The following OCLN variants were observed in gnomAD, a reference collection of about 807,000 sequenced individuals.
OCLN encodes the protein occludin.
In OCLN, 21 loss-of-function variants were observed where a neutral mutation model predicts 47.9. The observed-to-expected ratio is 0.44, with a 90% CI of 0.31 to 0.63. The LOEUF (loss-of-function observed/expected upper bound fraction) is 0.63. Ranked by LOEUF, OCLN falls within the 30% of genes least tolerant of loss-of-function variation. The pLI, the probability that OCLN is intolerant of heterozygous loss-of-function variation, is 0.08. For missense variants in OCLN, 360 were observed against 571.0 expected, an observed-to-expected ratio of 0.63 and a Z score of 3.77; for synonymous variants, 117 against 198.4, an observed-to-expected ratio of 0.59 and a Z score of 3.45.
chr5:69,515,289 C>G (rs1183580452), intron 4 of OCLN, among the ~76,000 whole-genome samples: 2 of 137,044 alleles, frequency 1.5e-5, no homozygotes, highest in African/African-American at 2.8e-5. Flanking sequence ...GGCTGACCCC[C>G]CCACCTCCTT....
In OCLN at chr5:69,518,492, A is replaced by G. The variant is rs542315211; in HGVS notation, c.891+4383A>G. ...CCACAGATATTTTGCCTTTCTTTCT[A>G]TTCTCCCCTCACCTGCCCAAGTTCA... On this transcript the variant is annotated intron_variant, in intron 4 of 8. Transcript: ENST00000396442. Among the ~76,000 whole-genome samples, 273 of 152,230 alleles carry G rather than the reference A, an allele frequency of 1.8e-3. 1 individual carries two copies. Among genetic ancestry groups the G allele is most frequent in the Non-Finnish European group, 2.8e-3 (189 of 68,010 alleles).
At chr5:69,512,294 A>G (rs1768811887) in intron 3 of OCLN, among the ~76,000 whole-genome samples, 1 of 152,208 alleles carries the variant, frequency 6.6e-6, no homozygotes, top group Admixed American at 6.5e-5. Flanking sequence ...CAGTTGTCTC[A>G]GTGTTACTTG....
At chr5:69,525,350 C>T (rs566457012) in intron 4 of OCLN, among the ~76,000 whole-genome samples, 10 of 152,012 alleles carry the variant, frequency 6.6e-5, no homozygotes, top group East Asian at 3.9e-4. Context: ...ATGATCCGCC[C>T]GCCTCAGCCT....
chr5:69,529,679 C>T (rs1280334137), intron 4 of OCLN, among the ~76,000 whole-genome samples: 1 of 152,100 alleles, frequency 6.6e-6, no homozygotes, highest in Non-Finnish European at 1.5e-5. Context: ...TCTCGGCACA[C>T]TGCAACCTCC....
chr5:69,547,256 G>C (rs1369516052), intron 6 of OCLN, among the ~76,000 whole-genome samples: 3 of 146,482 alleles, frequency 2.0e-5, no homozygotes, highest in African/African-American at 7.5e-5. Context: ...AGCGGACTTT[G>C]TGTTCCAGAA....
chr5:69,531,781 A>G (rs927714704), intron 4 of OCLN, among the ~76,000 whole-genome samples: 8 of 152,230 alleles, frequency 5.3e-5, no homozygotes, highest in African/African-American at 1.7e-4. Context: ...AGGGGTAGGT[A>G]AATATCTTTC....
chr5:69,529,531 T>A (rs138094927), intron 4 of OCLN, among the ~76,000 whole-genome samples: 11 of 152,332 alleles, frequency 7.2e-5, no homozygotes, highest in Admixed American at 6.5e-4. Context: ...AATTAATAAT[T>A]CATACTCCTT....
intron 3 of OCLN, among the ~76,000 whole-genome samples, chr5:69,510,452 C>T (rs962912948): frequency 2.0e-5 from 3 of 151,984 alleles, no homozygotes; most frequent in South Asian, 2.1e-4. Context: ...GAGGCTGAGG[C>T]GGGCGGATCA....
intron 4 of OCLN, among the ~76,000 whole-genome samples, chr5:69,515,420 C>T (rs1176149703): frequency 9.1e-5 from 13 of 142,584 alleles, no homozygotes; most frequent in African/African-American, 3.1e-4. Context: ...GACCCCCCTA[C>T]CTCCCTCCCA....
intron 5 of OCLN, among the ~76,000 whole-genome samples, chr5:69,536,232 T>A (rs1445698283): frequency 6.6e-6 from 1 of 151,560 alleles, no homozygotes; most frequent in Non-Finnish European, 1.5e-5. Context: ...GGTGAGTGAA[T>A]GTGAAGGCCT....
intron 1 of OCLN, among the ~76,000 whole-genome samples, chr5:69,500,827 C>T (rs1768436513): frequency 6.6e-6 from 1 of 152,120 alleles, no homozygotes; most frequent in Admixed American, 6.6e-5. Context: ...TTAGAGTTTC[C>T]AAAACTACCA....
intron 4 of OCLN, among the ~76,000 whole-genome samples, chr5:69,517,333 C>A (rs757845387): frequency 7.0e-6 from 1 of 143,714 alleles, no homozygotes; most frequent in African/African-American, 2.6e-5. Flanking sequence ...TTTTTTGAGA[C>A]GGCTTCTGGC....
In OCLN at chr5:69,554,632, T is replaced by C. The variant is rs571231854; in HGVS notation, c.*961T>C. On this transcript the variant is annotated 3_prime_UTR_variant, in exon 9 of 9. Transcript: ENST00000396442. ...GCAATGGAAAACCACACTCAGGAGT[T>C]GTATCTGTTGTTGTTTATACTCCTT... The C allele has an allele frequency of 1.3e-5, 2 of 152,138 alleles. No homozygotes were observed. Among genetic ancestry groups the C allele is most frequent in the African/African-American group, 4.8e-5 (2 of 41,492 alleles). 9.4% of individuals were successfully genotyped at this position (152,138 alleles called of 1,614,324 possible).
intron 4 of OCLN, among the ~76,000 whole-genome samples, chr5:69,530,390 C>T (rs555190654): frequency 6.6e-6 from 1 of 152,090 alleles, no homozygotes; most frequent in African/African-American, 2.4e-5. Context: ...CTCCAACCCC[C>T]TTCTACTTTC....
chr5:69,504,325 T>C (rs765106277), intron 2 of OCLN, 31 bp downstream of exon 2: 16 of 1,346,224 alleles, frequency 1.2e-5, no homozygotes. Context: ...TTATTCTCTT[T>C]TAAAAAGTCT....
At chr5:69,511,678 G>A (rs947134958) in intron 3 of OCLN, among the ~76,000 whole-genome samples, 10 of 151,890 alleles carry the variant, frequency 6.6e-5, no homozygotes, top group Non-Finnish European at 1.0e-4. Context: ...CTTCCAAACC[G>A]CTGGGATTAT....
chr5:69,522,894 CT>C (rs60505522), intron 4 of OCLN, among the ~76,000 whole-genome samples: 37 of 116,810 alleles, frequency 3.2e-4, no homozygotes, highest in Admixed American at 7.3e-4. Context: ...GCCTGGCTGA[CT>C]TTTTTTTTTT....
chr5:69,514,265 C>T (rs1044644969), intron 4 of OCLN, among the ~76,000 whole-genome samples, 156 bp downstream of exon 4: 2 of 152,126 alleles, frequency 1.3e-5, no homozygotes, highest in African/African-American at 4.8e-5. Flanking sequence ...AGAGGATGGG[C>T]TAAGTGGAAA....
At chr5:69,504,394 C>T (rs918024554) in intron 2 of OCLN, 100 bp downstream of exon 2, 11 of 765,646 alleles carry the variant, frequency 1.4e-5, no homozygotes, top group Non-Finnish European at 2.1e-5. Flanking sequence ...AAAAATAAAA[C>T]GATATGTGTA....
Sources: allele counts gnomAD v4.1 joint callset (sites outside exome capture counted in the v4.1 genomes callset), GRCh38; gene constraint gnomAD v4.1.1; transcripts MANE v1.5; gene names NCBI Gene and HGNC (gene_info 2026-07-23, HGNC 2026-07-21).